PATL2: variants seen among roughly 807,000 people sequenced by gnomAD.
The protein encoded by PATL2 is protein PAT1 homolog 2.
In PATL2, 73 loss-of-function variants were observed where a neutral mutation model predicts 77.0. The observed-to-expected ratio is 0.95, with a 90% CI of 0.78 to 1.15. The LOEUF is 1.15. Ranked by LOEUF, PATL2 falls within the 50% of genes most tolerant of loss-of-function variation. The pLI is 0.00. For missense variants in PATL2, 618 were observed against 655.4 expected, an observed-to-expected ratio of 0.94 and a Z score of 0.62; for synonymous variants, 265 against 257.1, an observed-to-expected ratio of 1.03 and a Z score of -0.29.
At chr15:44,671,955 C>A in intron 9 of PATL2, 60 bp downstream of exon 9, 2 of 1,534,620 alleles carry the variant, frequency 1.3e-6, no homozygotes, top group South Asian at 2.4e-5. Flanking sequence ...AGAGCGGGCC[C>A]GGGAGTCCAG....
rs1426298959 is a variant in PATL2 at position 44,670,095 on chromosome 15, T to C, written c.658-8A>G. 2 of 1,551,430 alleles carry C rather than the reference T, an allele frequency of 1.3e-6. No homozygotes were observed. The highest frequency in any genetic ancestry group is 8.7e-7 in the Non-Finnish European group (1 of 1,146,948). Reference sequence around the variant, plus strand: ...TAGCTTCTGGTAATATTCCTGAGAATGCACGGAATAGGAAACAAAAAAACA... The same window carrying C: ...TAGCTTCTGGTAATATTCCTGAGAACGCACGGAATAGGAAACAAAAAAACA... On this transcript the variant is annotated splice_region_variant and splice_polypyrimidine_tract_variant and intron_variant, in intron 9 of 17. Transcript: ENST00000682850.
At chr15:44,685,550 G>C (rs1021071211) in intron 3 of PATL2, among the ~76,000 whole-genome samples, 2 of 152,020 alleles carry the variant, frequency 1.3e-5, no homozygotes, top group Non-Finnish European at 2.9e-5. Context: ...AGAGGTTGCA[G>C]TGAGCTGAGA....
At chr15:44,705,390 G>A (rs1008405015) in intron 3 of PATL2, among the ~76,000 whole-genome samples, 3 of 152,010 alleles carry the variant, frequency 2.0e-5, no homozygotes, top group Non-Finnish European at 2.9e-5. Flanking sequence ...CGATGTTGGC[G>A]AGGCTGCTCT....
chr15:44,676,436 G>T, intron 4 of PATL2, 39 bp downstream of exon 4: 2 of 1,500,554 alleles, frequency 1.3e-6, no homozygotes, highest in South Asian at 1.2e-5. Context: ...TCTGCATGCT[G>T]GGGCATTTTA....
rs1305561412 is a variant in PATL2, at chr15:44,675,524, C to T, written c.184G>A (p.Gly62Arg). ...PDLEEEENDLGDPAVLGAVHN... is the reference protein window; with the variant it reads ...PDLEEEENDLRDPAVLGAVHN... ...ACAGCACCAAGTACAGCTGGATCCC[C>T]AAGATCATTCTCTTCCTCCTCTAGG... The change falls in exon 5 of 18, where the codon GGG becomes AGG. Residue 62 changes from glycine to arginine, a missense_variant. Physicochemically the swap from Gly to Arg is moderately radical, Grantham distance 125. Transcript: ENST00000682850. The T allele has an allele frequency of 6.4e-7, 1 of 1,551,816 alleles. No individual in the cohort carries two copies.
intron 3 of PATL2, 81 bp from the exon 4 acceptor site, chr15:44,676,646 C>A: frequency 7.4e-7 from 1 of 1,346,742 alleles, no homozygotes; most frequent in East Asian, 2.6e-5. Flanking sequence ...ATGGAATCCT[C>A]CCAGCAAGAT....
Position 44,669,320 on chromosome 15 carries a change from G to A in PATL2, c.1024C>T (p.Leu342Phe). The change falls in exon 13 of 18, where the codon CTC (leucine) becomes TTC (phenylalanine). Residue 342 changes from leucine (L) to phenylalanine (F), a missense_variant. Coordinates refer to ENST00000682850, the MANE Select transcript of PATL2 (RefSeq NM_001387263.1). Reference protein sequence around the residue: ...SEQQSNQVEKLFQTLKTQEQN... With the variant: ...SEQQSNQVEKFFQTLKTQEQN... The stretch of plus-strand genomic sequence containing the variant: ...TCCTGGGTCTTTAAGGTCTGGAAGA[G>A]CTTCTCAACCTGGTTGCTTTGCTGC... 6.4e-7 allele frequency: 1 copy of A among 1,551,618 alleles called. No homozygotes were observed. Among genetic ancestry groups the A allele is most frequent in the Non-Finnish European group, 8.7e-7 (1 of 1,146,924 alleles).
chr15:44,675,590 C>G lies in PATL2; in HGVS notation c.118G>C (p.Glu40Gln). The G allele has an allele frequency of 6.4e-7, 1 of 1,551,800 alleles. No individual in the cohort carries two copies. The highest frequency in any genetic ancestry group is 1.7e-4 in the Middle Eastern group (1 of 5,992). Residue 40 changes from glutamate to glutamine, a missense_variant, in exon 5 of 18, where the codon GAG becomes CAG. By Grantham distance (29) the Glu-to-Gln change is conservative (BLOSUM62 2). Transcript: ENST00000682850. ...EENEGEEEEE[E>Q]EDEEDLDPDL... ...GGGTCCAGATCCTCCTCGTCCTCCT[C>G]CTCTTCCTCCTCCTCCCCTTCATTC...
Position 44,666,097 on chromosome 15 carries a change from T to C in PATL2, c.1614-126A>G. On this transcript the variant is annotated intron_variant, in intron 17 of 17. Coordinates refer to ENST00000682850, the MANE Select transcript of PATL2 (RefSeq NM_001387263.1). ...CAGAGATGACCATGTTATTCATGCT[T>C]ATATCCTAGAATAGTTGTCCCTCAA... 18 of 933,982 alleles carry C rather than the reference T, an allele frequency of 1.9e-5. No homozygotes were observed. In the South Asian group the frequency reaches 3.0e-4, roughly 16 times the overall value. 57.9% of individuals were successfully genotyped at this position (933,982 alleles called of 1,614,324 possible). A position where few individuals can be genotyped will look rare whatever the true frequency, so the allele number is the denominator to read the frequency against.
intron 15 of PATL2, 21 bp downstream of exon 15, chr15:44,668,321 A>G: frequency 6.5e-7 from 1 of 1,545,054 alleles, no homozygotes; most frequent in Non-Finnish European, 8.7e-7. Flanking sequence ...TCTATGGAAA[A>G]AAGCCTCCTA....
At chr15:44,682,892 C>A (rs774951408) in intron 3 of PATL2, among the ~76,000 whole-genome samples, 1 of 152,132 alleles carries the variant, frequency 6.6e-6, no homozygotes, top group Non-Finnish European at 1.5e-5. Flanking sequence ...CTGAGGTACC[C>A]AGCTCATCTC....
Position 44,675,952 on chromosome 15 carries a change from C to T in PATL2, c.17-261G>A, listed in dbSNP as rs1156296650. On this transcript the variant is annotated intron_variant, in intron 4 of 17. Transcript: ENST00000682850. ...GTCCCAGTTACTTGGGAGGCCAAGG[C>T]GGGAAGATCATTTGGGCCCAGGAGT... is the stretch of plus-strand genomic sequence containing the variant. 2.6e-5 allele frequency: 12 copies of T among 454,472 alleles called. No individual in the cohort carries two copies. In the East Asian group the frequency reaches 3.0e-4, roughly 11 times the overall value. The allele number at this position is 454,472 out of a possible 1,614,324, so 28.2% of individuals were successfully genotyped here.
intron 3 of PATL2, among the ~76,000 whole-genome samples, chr15:44,688,146 T>C (rs552007125): frequency 6.7e-6 from 1 of 149,874 alleles, no homozygotes; most frequent in African/African-American, 2.5e-5. Flanking sequence ...CTTGGGAGGC[T>C]GAGGCAGGCG....
Position 44,669,856 on chromosome 15 carries a change from G to A in PATL2, c.797C>T (p.Ser266Phe). Residue 266 changes from serine to phenylalanine, a missense_variant, in exon 11 of 18, where the codon TCC (serine) becomes TTC (phenylalanine). Transcript: ENST00000682850. ...AYESVVRIEG[S>F]LGQVAVSTCF... ...TGTCGACACAGCTACCTGGCCCAGG[G>A]AACCCTCGATTCGGACCACTGCATG... The A allele has an allele frequency of 6.4e-7, 1 of 1,551,616 alleles. No homozygotes were observed. Among genetic ancestry groups the A allele is most frequent in the South Asian group, 1.2e-5 (1 of 84,054 alleles).
chr15:44,676,050 C>T, intron 4 of PATL2: 2 of 314,558 alleles, frequency 6.4e-6, no homozygotes, highest in Admixed American at 9.4e-5. Flanking sequence ...CAAAAGGAAC[C>T]CGGCAGATAC....
At chr15:44,699,958 C>T (rs190293364) in intron 3 of PATL2, among the ~76,000 whole-genome samples, 1 of 152,042 alleles carries the variant, frequency 6.6e-6, no homozygotes, top group African/African-American at 2.4e-5. Flanking sequence ...GTTCTTTTTG[C>T]TCAAGATAGT....
intron 3 of PATL2, among the ~76,000 whole-genome samples, chr15:44,690,778 C>G (rs1428230324): frequency 6.6e-6 from 1 of 152,096 alleles, no homozygotes; most frequent in African/African-American, 2.4e-5. Flanking sequence ...TTAGCAATAG[C>G]TTCTTCACAA....
intron 3 of PATL2, 147 bp from the exon 4 acceptor site, chr15:44,676,712 G>T: frequency 8.5e-7 from 1 of 1,181,564 alleles, no homozygotes; most frequent in Non-Finnish European, 1.1e-6. Flanking sequence ...GTCTCAGACT[G>T]CCATAAACAC....
At position 44,672,236 on chromosome 15, in the gene PATL2, C is replaced by G. The variant is rs1176894227; in HGVS notation, c.516-80G>C. ...GGAGTGTGGTGAGCAGGAAGTGGGG[C>G]TCTCTGGGAAGGATGGAGCAAGCAC... On this transcript the variant is annotated intron_variant, in intron 8 of 17. Transcript: ENST00000682850. The G allele has an allele frequency of 2.6e-6, 4 of 1,547,296 alleles. No homozygotes were observed. In the African/African-American group the frequency reaches 4.1e-5, roughly 16 times the overall value.
Sources: gnomAD v4.1 joint callset for allele counts (sites outside exome capture counted in the v4.1 genomes callset) on GRCh38, gnomAD v4.1.1 for gene constraint, MANE v1.5 for transcripts, NCBI Gene and HGNC (gene_info 2026-07-23, HGNC 2026-07-21) for gene names.